The following IFNGR2 variants were observed in gnomAD, a reference collection of about 807,000 sequenced individuals.
The protein encoded by IFNGR2 is interferon gamma receptor 2.
Under a neutral mutation model 41.1 loss-of-function variants are expected in IFNGR2, and 15 were observed. The observed-to-expected ratio is 0.37, with a 90% CI of 0.24 to 0.56. The LOEUF is 0.56. Ranked by LOEUF, IFNGR2 falls within the 20% of genes least tolerant of loss-of-function variation. The pLI, the probability that IFNGR2 is intolerant of heterozygous loss-of-function variation, is 0.81. For synonymous variants in IFNGR2, 161 were observed against 171.6 expected (o/e 0.94, Z 0.48); for missense variants, 362 against 415.7 (o/e 0.87, Z 1.12).
In IFNGR2 at chr21:33,421,698, G is replaced by A; in HGVS notation, c.412+13G>A. The A allele has an allele frequency of 6.2e-7, 1 of 1,600,592 alleles. No homozygotes were observed. On this transcript the variant is annotated intron_variant, in intron 3 of 6. Transcript: ENST00000290219. ...CACTATCGGAATGGTAAGAGAACTT[G>A]AGTATAGAACTTCCTTTATACTTTC...
intron 1 of IFNGR2, among the ~76,000 whole-genome samples, chr21:33,408,598 T>A (rs1185896392): frequency 3.4e-4 from 51 of 152,170 alleles, no homozygotes; most frequent in Non-Finnish European, 4.4e-5. Flanking sequence ...TTCATTCACC[T>A]CTTCACTGGT....
At chr21:33,404,923 G>A (rs2123324648) in intron 1 of IFNGR2, among the ~76,000 whole-genome samples, 1 of 152,220 alleles carries the variant, frequency 6.6e-6, no homozygotes, top group African/African-American at 2.4e-5. Flanking sequence ...AGGAGTTCGA[G>A]ACCAGCTTGA....
chr21:33,435,165 G>A (rs555673192), intron 6 of IFNGR2, among the ~76,000 whole-genome samples: 6 of 152,296 alleles, frequency 3.9e-5, no homozygotes, highest in African/African-American at 1.4e-4. Flanking sequence ...TAAGCCTAAA[G>A]CCTGCGGGAG....
chr21:33,414,349 T>G (rs1175465814), intron 1 of IFNGR2, among the ~76,000 whole-genome samples: 3 of 152,128 alleles, frequency 2.0e-5, no homozygotes, highest in East Asian at 3.9e-4. Flanking sequence ...TTAGGATGTT[T>G]GTGTGTTTTT....
intron 1 of IFNGR2, among the ~76,000 whole-genome samples, chr21:33,406,374 C>CA (rs901562893): frequency 1.4e-5 from 2 of 146,450 alleles, no homozygotes; most frequent in Admixed American, 1.4e-4. Flanking sequence ...GACTCTGTCT[C>CA]AAAAAAAGAA....
At chr21:33,407,085 A>T (rs2083682789) in intron 1 of IFNGR2, among the ~76,000 whole-genome samples, 1 of 152,146 alleles carries the variant, frequency 6.6e-6, no homozygotes, top group African/African-American at 2.4e-5. Context: ...CTAGATAGAA[A>T]AATGTAACCA....
intron 1 of IFNGR2, among the ~76,000 whole-genome samples, chr21:33,405,764 C>CA (rs2083673360): frequency 6.6e-6 from 1 of 152,152 alleles, no homozygotes; most frequent in African/African-American, 2.4e-5. Flanking sequence ...GGCTCGGTGG[C>CA]TCACACCTGT....
chr21:33,423,828 A>ATTTT (rs35451913), intron 3 of IFNGR2, among the ~76,000 whole-genome samples: 1 of 143,000 alleles, frequency 7.0e-6, no homozygotes, highest in Non-Finnish European at 1.5e-5. Context: ...CCCCATCTCT[A>ATTTT]TTTTTTTTTT....
At chr21:33,414,415 C>G (rs2123338429) in intron 1 of IFNGR2, among the ~76,000 whole-genome samples, 1 of 152,312 alleles carries the variant, frequency 6.6e-6, no homozygotes, top group South Asian at 2.1e-4. Context: ...CAGACACTTC[C>G]TTGGTACTAA....
chr21:33,417,125 T>A (rs1238812535), intron 2 of IFNGR2, among the ~76,000 whole-genome samples: 1 of 151,280 alleles, frequency 6.6e-6, no homozygotes, highest in African/African-American at 2.4e-5. Flanking sequence ...AAGGTCTCAC[T>A]CTGCCCCCCA....
At chr21:33,416,227 A>G (rs151171757) in intron 2 of IFNGR2, among the ~76,000 whole-genome samples, 15 of 152,322 alleles carry the variant, frequency 9.8e-5, no homozygotes, top group South Asian at 2.1e-4. Flanking sequence ...GACAAAAACT[A>G]TAATCATGAA....
intron 1 of IFNGR2, among the ~76,000 whole-genome samples, chr21:33,408,832 T>C (rs1361139669): frequency 2.0e-5 from 3 of 152,114 alleles, no homozygotes; most frequent in African/African-American, 4.8e-5. Context: ...GAAAGTCCAA[T>C]AGAGGAAGAA....
At chr21:33,405,103 GAAAAAAAAA>G (rs3057379) in intron 1 of IFNGR2, among the ~76,000 whole-genome samples, 12 of 119,830 alleles carry the variant, frequency 1.0e-4, no homozygotes, top group South Asian at 7.7e-4. Flanking sequence ...CTCTGTCTCA[GAAAAAAAAA>G]AAAAAAAAAA....
At chr21:33,406,339 C>T (rs2083677469) in intron 1 of IFNGR2, among the ~76,000 whole-genome samples, 1 of 151,762 alleles carries the variant, frequency 6.6e-6, no homozygotes, top group African/African-American at 2.4e-5. Flanking sequence ...CATGCAACTG[C>T]ACTCCAGCCT....
chr21:33,415,028 G>T lies in IFNGR2; in HGVS notation c.206+8G>T. On this transcript the variant is annotated splice_region_variant and intron_variant, in intron 2 of 6. Coordinates refer to ENST00000290219, the MANE Select transcript of IFNGR2 (RefSeq NM_005534.4). The stretch of plus-strand genomic sequence containing the variant: ...CCAAGTGCAGTTTAAATAGTAAGCC[G>T]GTATTTCTGTTGGATCCTTGCTGGG... 6.2e-7 allele frequency: 1 copy of T among 1,613,976 alleles called. No individual in the cohort carries two copies. The highest frequency in any genetic ancestry group is 8.5e-7 in the Non-Finnish European group (1 of 1,179,958).
chr21:33,406,284 G>C (rs1383540268), intron 1 of IFNGR2, among the ~76,000 whole-genome samples: 1 of 150,256 alleles, frequency 6.7e-6, no homozygotes, highest in Non-Finnish European at 1.5e-5. Context: ...GCTGAGGCAG[G>C]AGAATCACTT....
intron 5 of IFNGR2, 85 bp from the exon 6 acceptor site, chr21:33,432,629 T>G: frequency 6.8e-7 from 1 of 1,472,314 alleles, no homozygotes; most frequent in Non-Finnish European, 9.5e-7. Flanking sequence ...AGGAATGCTC[T>G]TTAAGCAGCA....
intron 1 of IFNGR2, among the ~76,000 whole-genome samples, chr21:33,404,135 T>G (rs9975473): frequency 0.23 from 34,438 of 152,286 alleles, 5,472 homozygotes; most frequent in African/African-American, 0.44. Context: ...TGCTGGCCAC[T>G]GGTTCTGCAG....
At chr21:33,415,122 T>A in intron 2 of IFNGR2, 102 bp downstream of exon 2, 6 of 1,384,990 alleles carry the variant, frequency 4.3e-6, no homozygotes, top group South Asian at 1.2e-5. Flanking sequence ...GGGTTTGTTA[T>A]CAAACCCGTG....
Sources: allele counts gnomAD v4.1 joint callset (sites outside exome capture counted in the v4.1 genomes callset), GRCh38; gene constraint gnomAD v4.1.1; transcripts MANE v1.5; gene names NCBI Gene and HGNC (gene_info 2026-07-23, HGNC 2026-07-21).